DPH6: variants seen among roughly 807,000 people sequenced by gnomAD.
DPH6 encodes diphthine--ammonia ligase.
In DPH6, 33 loss-of-function variants were observed where a neutral mutation model predicts 38.2. The ratio of observed to expected loss-of-function variants is 0.86; its 90% CI spans 0.65 to 1.15. DPH6 has a LOEUF of 1.15. Ranked by LOEUF, DPH6 falls within the 50% of genes most tolerant of loss-of-function variation. DPH6 has a pLI of 0.00. For synonymous variants in DPH6, 108 were observed against 103.0 expected (o/e 1.05, Z -0.30); for missense variants, 325 against 320.0 (o/e 1.02, Z -0.12).
intron 3 of DPH6, among the ~76,000 whole-genome samples, chr15:35,274,358 T>C (rs781724818): frequency 1.0e-4 from 15 of 148,988 alleles, no homozygotes; most frequent in Non-Finnish European, 2.1e-4. Flanking sequence ...ACTTCATAAC[T>C]AAAAAGCAAT....
chr15:35,502,039 T>C (rs938741185), intron 3 of DPH6, among the ~76,000 whole-genome samples: 2 of 152,124 alleles, frequency 1.3e-5, no homozygotes, highest in African/African-American at 2.4e-5. Flanking sequence ...AACAATAAAA[T>C]TGATGGCTTA....
At chr15:35,305,258 G>C (rs373858831) in intron 3 of DPH6, among the ~76,000 whole-genome samples, 5 of 152,040 alleles carry the variant, frequency 3.3e-5, no homozygotes, top group African/African-American at 9.6e-5. Context: ...GGTGTGTTTT[G>C]CCTCCAAATA....
chr15:35,524,667 G>C (rs1302126944), intron 3 of DPH6, among the ~76,000 whole-genome samples: 1 of 151,998 alleles, frequency 6.6e-6, no homozygotes, highest in Non-Finnish European at 1.5e-5. Context: ...GCAAAGGGTT[G>C]ATGTAAGGAT....
At chr15:35,167,572 TAA>T in the DPH6 span, among the ~76,000 whole-genome samples, 118,960 of 143,698 alleles carry the variant, frequency 0.83, 49,814 homozygotes, top group Non-Finnish European at 0.91. Flanking sequence ...GTCTTTTTTT[TAA>T]AAAAAAAAAA....
At chr15:35,381,627 C>T (rs140126289) in intron 7 of DPH6, among the ~76,000 whole-genome samples, 195 bp downstream of exon 7, 24 of 152,284 alleles carry the variant, frequency 1.6e-4, no homozygotes, top group African/African-American at 5.5e-4. Context: ...TTATAGCCTT[C>T]TATGAAGGCC....
At chr15:35,162,011 G>C in the DPH6 span, among the ~76,000 whole-genome samples, 4 of 151,838 alleles carry the variant, frequency 2.6e-5, no homozygotes, top group Non-Finnish European at 4.4e-5. Flanking sequence ...GCCCATCCTT[G>C]ACTTTCTTTC....
intron 3 of DPH6, among the ~76,000 whole-genome samples, chr15:35,535,602 A>G (rs1447406076): frequency 6.7e-6 from 1 of 149,006 alleles, no homozygotes. Context: ...AAAGAAAACA[A>G]ACAATTGGAA....
At chr15:35,237,252 A>C (rs2051559449) in intron 3 of DPH6, 1 of 1,353,222 alleles carries the variant, frequency 7.4e-7, no homozygotes. Context: ...TTGAGCCTTG[A>C]AAGTGCTAAA....
Position 35,354,041 on chromosome 15 carries a change from A to C in DPH6, n.207+19480T>G, listed in dbSNP as rs549369084. Among the ~76,000 whole-genome samples, 8 of 152,262 alleles carry C rather than the reference A, an allele frequency of 5.3e-5. No individual in the cohort carries two copies. The South Asian group carries it at 1.0e-3, about 20-fold the overall frequency. ...CTAGGTATTTTATTCTGTTTGAAGC[A>C]ATTGTGAATGGGAGTTCACTCATGA... On this transcript the variant is annotated intron_variant and non_coding_transcript_variant, in intron 3 of 3. Coordinates refer to the DPH6 transcript ENST00000558973.
chr15:35,526,423 G>A (rs921831395), intron 3 of DPH6, among the ~76,000 whole-genome samples: 1 of 152,136 alleles, frequency 6.6e-6, no homozygotes. Flanking sequence ...AAGTTAGATA[G>A]GCTTAATTTT....
chr15:35,256,337 A>G (rs986293706), intron 3 of DPH6, among the ~76,000 whole-genome samples: 29 of 152,118 alleles, frequency 1.9e-4, no homozygotes, highest in Admixed American at 1.8e-3. Flanking sequence ...GGTTTTGATG[A>G]CCTTGACAGT....
chr15:35,243,162 C>A (rs1408428594), intron 3 of DPH6, among the ~76,000 whole-genome samples: 2 of 142,118 alleles, frequency 1.4e-5, no homozygotes, highest in Non-Finnish European at 3.1e-5. Context: ...CAGGCCATCA[C>A]CAATAATTCT....
intron 1 of DPH6, among the ~76,000 whole-genome samples, chr15:35,544,415 T>C (rs2055311558): frequency 6.6e-6 from 1 of 151,896 alleles, no homozygotes. Flanking sequence ...GATGGGTTGA[T>C]GGGTGCAGCA....
At chr15:35,320,701 T>C (rs529100007) in intron 3 of DPH6, among the ~76,000 whole-genome samples, 12 of 152,212 alleles carry the variant, frequency 7.9e-5, no homozygotes, top group Non-Finnish European at 1.6e-4. Flanking sequence ...GGGTCAACTT[T>C]GTTGTAATTG....
chr15:35,486,939 A>G (rs1289279819), intron 3 of DPH6, among the ~76,000 whole-genome samples: 1 of 152,114 alleles, frequency 6.6e-6, no homozygotes, highest in Non-Finnish European at 1.5e-5. Flanking sequence ...AATGGGAGAA[A>G]TTGGCTCAAA....
At chr15:35,365,695 T>G in intron 3 of DPH6, 1 of 809,300 alleles carries the variant, frequency 1.2e-6, no homozygotes, top group Non-Finnish European at 1.5e-6. Flanking sequence ...CCAGTTTGAT[T>G]CCCAACACAA....
At chr15:35,209,918 A>G in the DPH6 span, among the ~76,000 whole-genome samples, 10 of 152,206 alleles carry the variant, frequency 6.6e-5, no homozygotes, top group African/African-American at 2.4e-4. Context: ...AATAGATACT[A>G]TAGGTACCTT....
chr15:35,222,537 AG>A (rs954885862), intron 3 of DPH6, among the ~76,000 whole-genome samples: 3 of 151,732 alleles, frequency 2.0e-5, no homozygotes, highest in African/African-American at 4.8e-5. Context: ...GACAACTTGA[AG>A]GGGGGGGTTT....
the DPH6 span, among the ~76,000 whole-genome samples, chr15:35,162,843 C>T: frequency 3.3e-5 from 5 of 151,930 alleles, no homozygotes; most frequent in Middle Eastern, 3.4e-3. Context: ...GAAATTGCTA[C>T]TTATAAATTT....
Sources: allele counts gnomAD v4.1 joint callset (sites outside exome capture counted in the v4.1 genomes callset), GRCh38; gene constraint gnomAD v4.1.1; transcripts MANE v1.5; gene names NCBI Gene and HGNC (gene_info 2026-07-23, HGNC 2026-07-21).